OVCH1: variants seen among roughly 807,000 people sequenced by gnomAD.
The protein encoded by OVCH1 is ovochymase-1.
OVCH1 carries 139 observed loss-of-function variants against 138.4 expected under a neutral mutation model. The observed-to-expected ratio is 1.00, with a 90% CI of 0.87 to 1.16. The LOEUF is 1.16. Among genes scored for constraint, OVCH1 ranks in the 50% most tolerant of loss-of-function variants. The probability of loss-of-function intolerance (pLI) is 0.00; values close to 1 mark genes in which losing one functional copy is unlikely to be tolerated. For synonymous variants in OVCH1, 453 were observed against 467.8 expected (o/e 0.97, Z 0.41); for missense variants, 1,367 against 1,357.9 (o/e 1.01, Z -0.11).
At chr12:29,430,684 G>A (rs1026270930) in intron 27 of OVCH1, among the ~76,000 whole-genome samples, 3 of 152,208 alleles carry the variant, frequency 2.0e-5, no homozygotes, top group African/African-American at 7.2e-5. Context: ...CACTGAGTCT[G>A]TTTCCAGGCA....
intron 5 of OVCH1, among the ~76,000 whole-genome samples, chr12:29,490,540 C>T (rs1017248071): frequency 6.6e-6 from 1 of 152,120 alleles, no homozygotes; most frequent in Non-Finnish European, 1.5e-5. Flanking sequence ...AACATTACAT[C>T]ACCCCACAGA....
At chr12:29,476,558 T>C (rs993498814) in intron 12 of OVCH1, among the ~76,000 whole-genome samples, 1 of 152,166 alleles carries the variant, frequency 6.6e-6, no homozygotes, top group African/African-American at 2.4e-5. Context: ...CAGATATTCA[T>C]GGCACCATGG....
rs1405070085 is a variant in OVCH1 at position 29,496,211 on chromosome 12, GT to G, written c.250del (p.Thr84GlnfsTer14). 1.9e-5 allele frequency: 31 copies of G among 1,609,132 alleles called. No homozygotes were observed. Among genetic ancestry groups the G allele is most frequent in the Non-Finnish European group, 2.5e-5 (29 of 1,177,866 alleles). The stretch of plus-strand genomic sequence containing the variant: ...GAGGCTGTCCAGGCAGTGTGCTGCT[GT>G]AACAACCCGATCTTCTTGAATCAAG... On this transcript the variant is annotated frameshift_variant, in exon 3 of 28. Coordinates refer to ENST00000318184, the Ensembl canonical transcript of OVCH1. LOFTEE classifies it high-confidence loss of function.
chr12:29,442,631 A>AT (rs1266926835), intron 25 of OVCH1, among the ~76,000 whole-genome samples: 3 of 149,606 alleles, frequency 2.0e-5, no homozygotes, highest in South Asian at 2.1e-4. Flanking sequence ...TAATAATAAA[A>AT]TAAAAAAAAA....
chr12:29,407,204 T>C, the OVCH1 span, among the ~76,000 whole-genome samples: 27,106 of 123,584 alleles, frequency 0.22, 3,568 homozygotes, highest in Middle Eastern at 0.43. Flanking sequence ...TTCTGGATAT[T>C]AGCCCTTTGT....
intron 25 of OVCH1, 146 bp downstream of exon 25, chr12:29,443,215 C>A: frequency 1.3e-6 from 1 of 780,212 alleles, no homozygotes; most frequent in South Asian, 3.5e-5. Flanking sequence ...AAATCTGACA[C>A]AAGTTTAACA....
intron 3 of OVCH1, among the ~76,000 whole-genome samples, chr12:29,413,288 G>T (rs2135871937): frequency 6.6e-6 from 1 of 152,078 alleles, no homozygotes; most frequent in East Asian, 1.9e-4. Flanking sequence ...ACGACAATAG[G>T]AACATATGCC....
intron 18 of OVCH1, among the ~76,000 whole-genome samples, 200 bp from the exon 19 acceptor site, chr12:29,462,208 T>TA (rs1942161498): frequency 2.0e-5 from 3 of 152,172 alleles, no homozygotes; most frequent in Non-Finnish European, 4.4e-5. Flanking sequence ...GGCATTTTTG[T>TA]AAAGAGAGGC....
chr12:29,434,593 A>G (rs1428203722), intron 26 of OVCH1, among the ~76,000 whole-genome samples: 1 of 152,166 alleles, frequency 6.6e-6, no homozygotes, highest in Non-Finnish European at 1.5e-5. Flanking sequence ...TGGACTTACC[A>G]GAAATACAAA....
At chr12:29,457,528 C>T (rs1290435760) in intron 19 of OVCH1, among the ~76,000 whole-genome samples, 4 of 149,138 alleles carry the variant, frequency 2.7e-5, no homozygotes, top group South Asian at 2.1e-4. Flanking sequence ...CTTAGCCTCC[C>T]GAGTAGCTGG....
At position 29,443,502 on chromosome 12, in the gene OVCH1, T is replaced by G; in HGVS notation, c.3018-2A>C. The stretch of plus-strand genomic sequence containing the variant: ...GGGGCTACTAATCTCCATTGGCAAC[T>G]ATGGCATAGATGAAACAAAGTCAGA... On this transcript the variant is annotated splice_acceptor_variant, in intron 24 of 27. Coordinates refer to ENST00000318184, the Ensembl canonical transcript of OVCH1. LOFTEE classifies it high-confidence loss of function. 1 of 1,589,670 alleles carries G rather than the reference T, an allele frequency of 6.3e-7. No individual in the cohort carries two copies. Among genetic ancestry groups the G allele is most frequent in the Non-Finnish European group, 8.6e-7 (1 of 1,166,406 alleles).
chr12:29,433,584 A>G (rs1941306971), intron 27 of OVCH1, among the ~76,000 whole-genome samples: 1 of 152,120 alleles, frequency 6.6e-6, no homozygotes, highest in South Asian at 2.1e-4. Flanking sequence ...CCATTACTAG[A>G]CTGTAAGTGC....
exon 21 of OVCH1, chr12:29,454,933 C>T (rs1941903267): frequency 6.2e-7 from 1 of 1,605,792 alleles, no homozygotes; most frequent in Non-Finnish European, 8.5e-7. Context: ...TGAAGCAGGA[C>T]CTGTATTTGG....
exon 16 of OVCH1, chr12:29,471,836 C>T: frequency 2.5e-6 from 4 of 1,612,566 alleles, no homozygotes; most frequent in Non-Finnish European, 3.4e-6. Context: ...AGAATCCACA[C>T]TGGGTTGATG....
At chr12:29,402,800 G>A in the OVCH1 span, among the ~76,000 whole-genome samples, 1 of 151,906 alleles carries the variant, frequency 6.6e-6, no homozygotes, top group Non-Finnish European at 1.5e-5. Flanking sequence ...GAGGGGGAAT[G>A]TAAAAGGGAA....
downstream of OVCH1, among the ~76,000 whole-genome samples, chr12:29,410,644 T>C (rs1940942807): frequency 6.8e-6 from 1 of 147,230 alleles, no homozygotes; most frequent in Non-Finnish European, 1.5e-5. Context: ...TGGCCCCCAC[T>C]CTCTTCTGGC....
In OVCH1 at chr12:29,439,457, A is replaced by G. The variant is rs760597502; in HGVS notation, c.3158-23T>C. 382 of 1,476,774 alleles carry G rather than the reference A, an allele frequency of 2.6e-4. 1 individual carries two copies. Among genetic ancestry groups the G allele is most frequent in the Non-Finnish European group, 3.3e-4 (375 of 1,120,360 alleles). The allele number at this position is 1,476,774 out of a possible 1,614,324, so 91.5% of individuals were successfully genotyped here. ...AAGCTAAGATGGTCTGAGAAAAACA[A>G]ACAAACAAACAAACAAAAAACAAAA... On this transcript the variant is annotated intron_variant, in intron 25 of 27. Coordinates refer to ENST00000318184, the Ensembl canonical transcript of OVCH1.
At position 29,479,516 on chromosome 12, in the gene OVCH1, C is replaced by G. The variant is rs79427130; in HGVS notation, c.996-608G>C. Reference sequence around the variant, plus strand: ...TCTTATGTAATTTGACACATAATCCCTTACCTTCATTTTCATACATAAATT... The same window carrying G: ...TCTTATGTAATTTGACACATAATCCGTTACCTTCATTTTCATACATAAATT... On this transcript the variant is annotated intron_variant, in intron 8 of 27. Coordinates refer to ENST00000318184, the Ensembl canonical transcript of OVCH1. Among the ~76,000 whole-genome samples the G allele has an allele frequency of 3.2e-3, 489 of 152,274 alleles. 13 individuals are homozygous for G. The highest frequency in any genetic ancestry group is 0.025 in the Admixed American group (388 of 15,296).
At chr12:29,409,472 G>A (rs1156618443), downstream of OVCH1, among the ~76,000 whole-genome samples, 1 of 151,822 alleles carries the variant, frequency 6.6e-6, no homozygotes, top group African/African-American at 2.4e-5. Context: ...TCTACACACT[G>A]CTTTGAATGT....
Sources: allele counts gnomAD v4.1 joint callset (sites outside exome capture counted in the v4.1 genomes callset), GRCh38; gene constraint gnomAD v4.1.1; transcripts MANE v1.5; gene names NCBI Gene and HGNC (gene_info 2026-07-23, HGNC 2026-07-21).